The following CCDC34 variants were observed in gnomAD, a reference collection of about 807,000 sequenced individuals.
The protein encoded by CCDC34 is coiled-coil domain containing 34.
A neutral mutation model predicts 44.1 loss-of-function variants in CCDC34; 40 were observed. That is an observed-to-expected ratio of 0.91 (90% confidence interval 0.70 to 1.18). CCDC34 has a LOEUF of 1.18. Ranked by LOEUF, CCDC34 falls within the 50% of genes most tolerant of loss-of-function variation. The pLI, the probability that CCDC34 is intolerant of heterozygous loss-of-function variation, is 0.00. For missense variants in CCDC34, 466 were observed against 452.3 expected (o/e 1.03, Z -0.28); for synonymous variants, 159 against 158.2 (o/e 1.01, Z -0.04).
At chr11:27,351,889 C>T (rs7935021) in intron 2 of CCDC34, among the ~76,000 whole-genome samples, 91,217 of 151,770 alleles carry the variant, frequency 0.6, 28,083 homozygotes, top group Non-Finnish European at 0.68. Flanking sequence ...AAAATTTGAG[C>T]GTGGTACTAG....
At chr11:27,362,783 G>C (rs1036321995) in intron 1 of CCDC34, 53 bp downstream of exon 1, 1 of 1,567,504 alleles carries the variant, frequency 6.4e-7, no homozygotes, top group South Asian at 1.2e-5. Context: ...GTACTTAAGA[G>C]GGTCTAAGGA....
chr11:27,344,868 T>G (rs2133340638), intron 3 of CCDC34, among the ~76,000 whole-genome samples: 1 of 152,250 alleles, frequency 6.6e-6, no homozygotes, highest in East Asian at 1.9e-4. Flanking sequence ...TATGGAAAGA[T>G]GCAGGGCAAC....
intron 1 of CCDC34, among the ~76,000 whole-genome samples, chr11:27,357,863 G>A (rs182022143): frequency 7.9e-5 from 12 of 152,156 alleles, no homozygotes; most frequent in African/African-American, 2.7e-4. Context: ...AATCTTACCT[G>A]GATAACTAAT....
At chr11:27,350,105 G>C in intron 3 of CCDC34, 2 of 1,382,680 alleles carry the variant, frequency 1.4e-6, no homozygotes, top group East Asian at 5.3e-5. Flanking sequence ...GTGACTGCCT[G>C]CAGGCAAATA....
intron 5 of CCDC34, among the ~76,000 whole-genome samples, chr11:27,339,929 G>C (rs926153037): frequency 6.6e-5 from 10 of 151,576 alleles, no homozygotes; most frequent in Non-Finnish European, 1.0e-4. Context: ...TTTTTTTCAA[G>C]CAAGAAACAA....
At chr11:27,350,238 G>C in intron 3 of CCDC34, 94 bp downstream of exon 3, 1 of 1,602,086 alleles carries the variant, frequency 6.2e-7, no homozygotes, top group Non-Finnish European at 8.5e-7. Context: ...GACTCTAAGA[G>C]AAGTATTTTT....
intron 5 of CCDC34, 150 bp from the exon 6 acceptor site, chr11:27,339,185 G>A: frequency 4.9e-6 from 3 of 607,036 alleles, no homozygotes; most frequent in Non-Finnish European, 8.6e-6. Context: ...TAAACTCCTT[G>A]ATATTTTCAA....
At chr11:27,339,686 C>A (rs1391954754) in intron 5 of CCDC34, among the ~76,000 whole-genome samples, 1 of 152,034 alleles carries the variant, frequency 6.6e-6, no homozygotes, top group Non-Finnish European at 1.5e-5. Context: ...CACAAAAATT[C>A]CTTTATTTCA....
chr11:27,361,663 C>T (rs1012169783), intron 1 of CCDC34, among the ~76,000 whole-genome samples: 6 of 152,106 alleles, frequency 3.9e-5, no homozygotes, highest in African/African-American at 1.4e-4. Flanking sequence ...ACTTCTCATT[C>T]GTAACTAATT....
intron 3 of CCDC34, among the ~76,000 whole-genome samples, chr11:27,344,459 C>T (rs1296711372): frequency 6.6e-6 from 1 of 151,774 alleles, no homozygotes; most frequent in Non-Finnish European, 1.5e-5. Context: ...TAACATGTTA[C>T]TTGTGTTATA....
intron 3 of CCDC34, among the ~76,000 whole-genome samples, chr11:27,341,884 C>A (rs1355139860): frequency 1.3e-5 from 2 of 152,108 alleles, no homozygotes; most frequent in Non-Finnish European, 2.9e-5. Flanking sequence ...CTTTGAGGGA[C>A]CTGGTGGGAG....
At chr11:27,347,747 G>A (rs928003248) in intron 3 of CCDC34, among the ~76,000 whole-genome samples, 5 of 151,976 alleles carry the variant, frequency 3.3e-5, no homozygotes, top group African/African-American at 9.7e-5. Flanking sequence ...GGGAGTGGGG[G>A]TGAATGCAAA....
chr11:27,346,802 C>G (rs572728036), intron 3 of CCDC34, among the ~76,000 whole-genome samples: 7 of 152,202 alleles, frequency 4.6e-5, no homozygotes, highest in African/African-American at 1.7e-4. Flanking sequence ...TTGGAGATTG[C>G]ATCTTTAAAG....
At chr11:27,352,098 C>G (rs1223312081) in intron 2 of CCDC34, among the ~76,000 whole-genome samples, 1 of 152,090 alleles carries the variant, frequency 6.6e-6, no homozygotes, top group Non-Finnish European at 1.5e-5. Flanking sequence ...GCCTGGGCCT[C>G]TGGGCCAGGC....
intron 2 of CCDC34, among the ~76,000 whole-genome samples, chr11:27,354,898 A>C (rs766955486): frequency 7.2e-5 from 11 of 151,854 alleles, no homozygotes; most frequent in Non-Finnish European, 1.5e-4. Context: ...ACTTTTAACT[A>C]CTCCACTATT....
rs750692514 is a variant in CCDC34, at chr11:27,350,405, ATTTCT to A, written c.528_532del (p.Lys176AsnfsTer5). On this transcript the variant is annotated frameshift_variant, in exon 3 of 6. Coordinates refer to ENST00000328697, the MANE Select transcript of CCDC34 (RefSeq NM_030771.2). LOFTEE classifies it high-confidence loss of function. ...TATCTTTCTTTTTTCACGTTCTTCC[ATTTCT>A]TTTCTTTTTTCTAGTTGTTGATTTA... is the stretch of plus-strand genomic sequence containing the variant. The A allele has an allele frequency of 1.1e-5, 18 of 1,609,264 alleles. No individual in the cohort carries two copies. Among genetic ancestry groups the A allele is most frequent in the Non-Finnish European group, 1.5e-5 (18 of 1,177,850 alleles).
chr11:27,339,609 A>G (rs17244021), intron 5 of CCDC34, among the ~76,000 whole-genome samples: 3,518 of 152,296 alleles, frequency 0.023, 53 homozygotes, highest in Admixed American at 0.037. Context: ...GATGTCTGCC[A>G]TCTAATAAAC....
intron 3 of CCDC34, among the ~76,000 whole-genome samples, chr11:27,345,275 CA>C (rs1183289471): frequency 4.6e-5 from 7 of 151,944 alleles, no homozygotes; most frequent in South Asian, 2.1e-4. Flanking sequence ...GGTGGGCAAA[CA>C]TTTTTTTTTA....
intron 3 of CCDC34, among the ~76,000 whole-genome samples, chr11:27,348,526 CATATT>C (rs1296034558): frequency 6.6e-6 from 1 of 152,130 alleles, no homozygotes; most frequent in Admixed American, 6.5e-5. Context: ...AATTTACAGT[CATATT>C]ATAAGAAACT....
Sources: allele counts gnomAD v4.1 joint callset (sites outside exome capture counted in the v4.1 genomes callset), GRCh38; gene constraint gnomAD v4.1.1; transcripts MANE v1.5; gene names NCBI Gene and HGNC (gene_info 2026-07-23, HGNC 2026-07-21).